PTGR1: variants seen among roughly 807,000 people sequenced by gnomAD.
PTGR1 encodes the protein prostaglandin reductase 1.
PTGR1 carries 23 observed loss-of-function variants against 37.7 expected under a neutral mutation model. That is an observed-to-expected ratio of 0.61 (90% confidence interval 0.44 to 0.86). The LOEUF (loss-of-function observed/expected upper bound fraction) is 0.86. Among genes scored for constraint, PTGR1 ranks in the 40% least tolerant of loss-of-function variants. The pLI is 0.00. For synonymous variants in PTGR1, 134 were observed against 140.0 expected, an observed-to-expected ratio of 0.96 and a Z score of 0.30; for missense variants, 351 against 394.3, an observed-to-expected ratio of 0.89 and a Z score of 0.93.
At chr9:111,575,645 G>C (rs1286779991) in intron 7 of PTGR1, among the ~76,000 whole-genome samples, 1 of 152,232 alleles carries the variant, frequency 6.6e-6, no homozygotes, top group African/African-American at 2.4e-5. Flanking sequence ...CAGTTCAATA[G>C]AGGAAAAATA....
Position 111,587,969 on chromosome 9 carries a change from T to G in PTGR1, c.210-1804A>C, listed in dbSNP as rs79753481. On this transcript the variant is annotated intron_variant, in intron 4 of 9. Coordinates refer to ENST00000407693, the MANE Select transcript of PTGR1 (RefSeq NM_001146108.2). ...TTTCCTTTTTTCTGAGTCTGCTTGC[T>G]AGGAAATATATTTTAATTAATATTC... is the stretch of plus-strand genomic sequence containing the variant. Among the ~76,000 whole-genome samples, 346 of 151,986 alleles carry G rather than the reference T, an allele frequency of 2.3e-3. 12 individuals carry two copies. The East Asian group carries it at 0.061, about 27-fold the overall frequency.
Position 111,562,878 on chromosome 9 carries a change from T to G in PTGR1, c.*243A>C. The G allele has an allele frequency of 8.5e-7, 1 of 1,182,988 alleles. No homozygotes were observed. Among genetic ancestry groups the G allele is most frequent in the South Asian group, 2.5e-5 (1 of 40,678 alleles). The allele number at this position is 1,182,988 out of a possible 1,614,324, so 73.3% of individuals were successfully genotyped here. On this transcript the variant is annotated 3_prime_UTR_variant, in exon 10 of 10. Transcript: ENST00000407693. ...GAAAATTTTCACACTTCAAAGCCAT[T>G]ATTTTCTACCACAACTCAGAAGAAG... is the stretch of plus-strand genomic sequence containing the variant.
At chr9:111,599,485 G>A (rs1037770450) in intron 1 of PTGR1, 118 bp downstream of exon 1, 1 of 152,332 alleles carries the variant, frequency 6.6e-6, no homozygotes, top group African/African-American at 2.4e-5. Context: ...TCGACGTAAG[G>A]GGAGGAGGTC....
intron 2 of PTGR1, among the ~76,000 whole-genome samples, chr9:111,596,926 CAAAA>C (rs71494900): frequency 2.2e-5 from 2 of 90,648 alleles, no homozygotes; most frequent in Admixed American, 2.6e-4. Context: ...GACTCTGTCT[CAAAA>C]AAAAAAAAAA....
chr9:111,588,078 A>G (rs1418660340), intron 4 of PTGR1, among the ~76,000 whole-genome samples: 1 of 147,396 alleles, frequency 6.8e-6, no homozygotes, highest in Non-Finnish European at 1.5e-5. Context: ...TAGTGGTGCG[A>G]TCATGGCTCA....
rs140662657 is a variant in PTGR1 at position 111,586,093 on chromosome 9, G to C, written c.282C>G (p.His94Gln). The change falls in exon 5 of 10, where the codon CAC becomes CAG. Residue 94 changes from histidine to glutamine, a missense_variant. By Grantham distance (24) the His-to-Gln change is conservative (BLOSUM62 0). Transcript: ENST00000407693. Reference protein sequence around the residue: ...IVLASPGWTTHSISDGKDLEK... With the variant: ...IVLASPGWTTQSISDGKDLEK... ...CCAGATCTTTCCCATCAGAAATGGA[G>C]TGCGTTGTCCAGCCTGGAGAAGCCA... 349 of 1,614,054 alleles carry C rather than the reference G, an allele frequency of 2.2e-4. No homozygotes were observed. The highest frequency in any genetic ancestry group is 2.8e-4 in the Non-Finnish European group (325 of 1,180,032).
chr9:111,568,023 G>A (rs1190093985), intron 9 of PTGR1, among the ~76,000 whole-genome samples: 2 of 152,152 alleles, frequency 1.3e-5, no homozygotes, highest in Admixed American at 1.3e-4. Context: ...TGTGTTAACT[G>A]TACAAATTGA....
rs1828374603 is a variant in PTGR1 at position 111,562,912 on chromosome 9, AAC to A, written c.*207_*208del. 1.5e-5 allele frequency: 20 copies of A among 1,346,680 alleles called. 2 individuals are homozygous for A. In the South Asian group the frequency reaches 3.5e-4, roughly 24 times the overall value. The allele number at this position is 1,346,680 out of a possible 1,614,324, so 83.4% of individuals were successfully genotyped here. ...CCACAACTCAGAAGAAGCTGTAGTG[AAC>A]AGTGAGGTGACTGGTTGTTGTTGAC... On this transcript the variant is annotated 3_prime_UTR_variant, in exon 10 of 10. Transcript: ENST00000407693.
chr9:111,570,251 G>A (rs750258988), intron 8 of PTGR1, 42 bp from the exon 9 acceptor site: 1 of 1,584,914 alleles, frequency 6.3e-7, no homozygotes, highest in African/African-American at 1.3e-5. Flanking sequence ...GATCCAGGGA[G>A]GTGCCCATGG....
At chr9:111,597,516 G>C (rs1421425030) in intron 1 of PTGR1, 84 bp from the exon 2 acceptor site, 2 of 762,074 alleles carry the variant, frequency 2.6e-6, no homozygotes, top group African/African-American at 1.7e-5. Flanking sequence ...AGACCAGACA[G>C]CACAATTACA....
chr9:111,582,585 T>G (rs146847620), intron 6 of PTGR1, among the ~76,000 whole-genome samples: 13 of 152,360 alleles, frequency 8.5e-5, no homozygotes, highest in Non-Finnish European at 1.8e-4. Flanking sequence ...TGGTTCGACA[T>G]TGGAAAACTA....
chr9:111,557,177 T>C (rs1046019040), intron 9 of PTGR1, among the ~76,000 whole-genome samples: 4 of 152,040 alleles, frequency 2.6e-5, no homozygotes, highest in Non-Finnish European at 5.9e-5. Flanking sequence ...TTCTACCACA[T>C]GGAATGGCTA....
chr9:111,569,252 C>T (rs1828705012), intron 9 of PTGR1, among the ~76,000 whole-genome samples: 1 of 152,096 alleles, frequency 6.6e-6, no homozygotes, highest in Non-Finnish European at 1.5e-5. Context: ...TAGAGAAGAG[C>T]AAAGTCCCAG....
chr9:111,593,554 T>C (rs1034093656), intron 3 of PTGR1, among the ~76,000 whole-genome samples: 4 of 152,202 alleles, frequency 2.6e-5, no homozygotes, highest in African/African-American at 7.2e-5. Flanking sequence ...CAACCACAGA[T>C]TCACCTACAT....
Position 111,592,986 on chromosome 9 carries a change from C to CAAAAAAAAAAAAAAAAAA in PTGR1, c.153-22_153-5dup, listed in dbSNP as rs58142522. On this transcript the variant is annotated splice_polypyrimidine_tract_variant and splice_region_variant and intron_variant, in intron 3 of 9. Transcript: ENST00000407693. ...CTTCAATCTTTTGGCTGCCACTCTGCAAAAAAAAAAAAAAAAAAAAAAAAA... is the reference window on the plus strand; with the variant it reads ...CTTCAATCTTTTGGCTGCCACTCTGCAAAAAAAAAAAAAAAAAAAAAAAAAAAAAAAAAAAAAAAAAAA... The CAAAAAAAAAAAAAAAAAA allele has an allele frequency of 5.2e-6, 5 of 961,394 alleles. No homozygotes were observed. The highest frequency in any genetic ancestry group is 3.3e-5 in the African/African-American group (1 of 29,996). The allele number at this position is 961,394 out of a possible 1,614,324, so 59.6% of individuals were successfully genotyped here.
chr9:111,583,503 C>G lies in PTGR1; in HGVS notation c.464G>C (p.Gly155Ala). ...CTTTGCAATCTGCCCCACGACTGAG[C>G]CCACAGCTCCAGCTGCTGCATTAAC... Reference protein sequence around the residue: ...VMVNAAAGAVGSVVGQIAKLK... With the variant: ...VMVNAAAGAVASVVGQIAKLK... The change falls in exon 6 of 10, where the codon GGC (glycine) becomes GCC (alanine). Residue 155 changes from glycine (G) to alanine (A), a missense_variant. Transcript: ENST00000407693. 4 of 1,613,790 alleles carry G rather than the reference C, an allele frequency of 2.5e-6. No individual in the cohort carries two copies. Among genetic ancestry groups the G allele is most frequent in the Non-Finnish European group, 3.4e-6 (4 of 1,179,692 alleles).
chr9:111,577,516 A>G (rs561380663), intron 7 of PTGR1: 7 of 152,350 alleles, frequency 4.6e-5, no homozygotes, highest in African/African-American at 1.7e-4. Flanking sequence ...GAATGTTCAT[A>G]GTAACATTAT....
At chr9:111,561,162 A>G (rs1427669949), downstream of PTGR1, among the ~76,000 whole-genome samples, 1 of 140,896 alleles carries the variant, frequency 7.1e-6, no homozygotes, top group Non-Finnish European at 1.5e-5. Flanking sequence ...AGAGAGAGAG[A>G]GAGAGAGAGA....
intron 1 of PTGR1, among the ~76,000 whole-genome samples, chr9:111,597,796 T>C (rs1035364506): frequency 1.3e-5 from 2 of 152,230 alleles, no homozygotes; most frequent in African/African-American, 4.8e-5. Context: ...ACTGAACAGT[T>C]ACCGGAAGTG....
Sources: allele counts gnomAD v4.1 joint callset (sites outside exome capture counted in the v4.1 genomes callset), GRCh38; gene constraint gnomAD v4.1.1; transcripts MANE v1.5; gene names NCBI Gene and HGNC (gene_info 2026-07-23, HGNC 2026-07-21).